HDHD5: variants seen among roughly 807,000 people sequenced by gnomAD.
The protein encoded by HDHD5 is haloacid dehalogenase like hydrolase domain containing 5, also known as haloacid dehalogenase-like hydrolase domain-containing 5.
In HDHD5, 34 loss-of-function variants were observed where a neutral mutation model predicts 35.5. That is an observed-to-expected ratio of 0.96 (90% confidence interval 0.73 to 1.28). HDHD5 has a LOEUF of 1.28. Among genes scored for constraint, HDHD5 ranks in the 50% most tolerant of loss-of-function variants. The probability of loss-of-function intolerance (pLI) is 0.00; values close to 1 mark genes in which losing one functional copy is unlikely to be tolerated. For missense variants in HDHD5, 589 were observed against 560.2 expected, an observed-to-expected ratio of 1.05 and a Z score of -0.52; for synonymous variants, 248 against 240.6, an observed-to-expected ratio of 1.03 and a Z score of -0.29.
chr22:17,160,646 C>T (rs1385292075), upstream of HDHD5, among the ~76,000 whole-genome samples: 5 of 110,852 alleles, frequency 4.5e-5, no homozygotes, highest in Admixed American at 4.1e-4. Flanking sequence ...GAGACTCCGT[C>T]TTGAAAAAAA....
chr22:17,138,398 A>C, intron 7 of HDHD5, 41 bp from the exon 8 acceptor site: 1 of 1,586,340 alleles, frequency 6.3e-7, no homozygotes, highest in Non-Finnish European at 8.6e-7. Context: ...AAAGGAGAAA[A>C]AACCCTAAAT....
At chr22:17,143,198 A>C in intron 4 of HDHD5, 67 bp from the exon 5 acceptor site, 2 of 1,551,892 alleles carry the variant, frequency 1.3e-6, no homozygotes, top group Admixed American at 3.7e-5. Context: ...CCACAACCCC[A>C]CCTCCAGGGT....
upstream of HDHD5, among the ~76,000 whole-genome samples, chr22:17,161,547 G>T (rs1056149239): frequency 6.6e-6 from 1 of 150,674 alleles, no homozygotes; most frequent in Non-Finnish European, 1.5e-5. Flanking sequence ...CTGAGCGACA[G>T]AGCGGAACTA....
chr22:17,137,859 ACT>A lies in HDHD5; in HGVS notation c.*160_*161del, dbSNP rs1219063305. ...TGCTACCCAGCAGGGAAAAAGAGTC[ACT>A]GTCTTCTTCCAAGTGACCAGTAATG... On this transcript the variant is annotated 3_prime_UTR_variant, in exon 8 of 8. Coordinates refer to ENST00000336737, the MANE Select transcript of HDHD5 (RefSeq NM_033070.3). The A allele has an allele frequency of 1.6e-6, 1 of 610,616 alleles. No homozygotes were observed. Among genetic ancestry groups the A allele is most frequent in the East Asian group, 2.8e-5 (1 of 35,938 alleles). 37.8% of individuals were successfully genotyped at this position (610,616 alleles called of 1,614,324 possible). A position where few individuals can be genotyped will look rare whatever the true frequency, so the allele number is the denominator to read the frequency against.
rs143121345 is a variant in HDHD5, at chr22:17,144,909, A to C, written c.537+115T>G. The C allele has an allele frequency of 1.0e-4, 128 of 1,267,104 alleles. No homozygotes were observed. In the East Asian group the frequency reaches 2.3e-3, roughly 23 times the overall value. The allele number at this position is 1,267,104 out of a possible 1,614,324, so 78.5% of individuals were successfully genotyped here. The stretch of plus-strand genomic sequence containing the variant: ...CCCTTAGCCAGATGTGCCTCCAAAG[A>C]AGCATGGACAAATCACAGCTCTGCA... On this transcript the variant is annotated intron_variant, in intron 4 of 7. Coordinates refer to ENST00000336737, the MANE Select transcript of HDHD5 (RefSeq NM_033070.3).
intron 1 of HDHD5, among the ~76,000 whole-genome samples, chr22:17,155,231 CTTTT>C (rs539943001): frequency 9.0e-5 from 12 of 133,236 alleles, no homozygotes; most frequent in African/African-American, 2.8e-4. Flanking sequence ...ATTTGCTTTC[CTTTT>C]TTTTTTTTTT....
chr22:17,140,742 A>C (rs908825795), intron 6 of HDHD5, among the ~76,000 whole-genome samples: 1 of 152,222 alleles, frequency 6.6e-6, no homozygotes, highest in Non-Finnish European at 1.5e-5. Flanking sequence ...TACGGTACAA[A>C]AAGTGCCCAC....
At chr22:17,154,221 G>A (rs547488975) in intron 1 of HDHD5, among the ~76,000 whole-genome samples, 48 of 150,092 alleles carry the variant, frequency 3.2e-4, no homozygotes, top group South Asian at 4.3e-4. Flanking sequence ...AGTAGCTCAC[G>A]CCTGTAATCC....
intron 3 of HDHD5, among the ~76,000 whole-genome samples, chr22:17,145,884 AG>A (rs1405490285): frequency 6.6e-6 from 1 of 152,132 alleles, no homozygotes; most frequent in Admixed American, 6.6e-5. Context: ...CAAATCATCA[AG>A]GAAGAGGCGG....
intron 6 of HDHD5, among the ~76,000 whole-genome samples, chr22:17,139,719 C>T (rs2061578625): frequency 1.3e-5 from 2 of 152,062 alleles, no homozygotes; most frequent in African/African-American, 4.8e-5. Flanking sequence ...ATTACAGGCA[C>T]CTGCCACCAT....
chr22:17,161,753 T>C (rs2061865129), upstream of HDHD5, among the ~76,000 whole-genome samples: 1 of 151,648 alleles, frequency 6.6e-6, no homozygotes, highest in South Asian at 2.1e-4. Context: ...GACACACACC[T>C]GTAGTCCCAG....
At chr22:17,139,664 C>G (rs1180218678) in intron 6 of HDHD5, among the ~76,000 whole-genome samples, 2 of 152,110 alleles carry the variant, frequency 1.3e-5, no homozygotes, top group African/African-American at 2.4e-5. Flanking sequence ...ACCTCCACCC[C>G]CTGGGTTCAA....
intron 1 of HDHD5, among the ~76,000 whole-genome samples, chr22:17,155,820 C>T (rs1412678466): frequency 2.0e-5 from 3 of 152,104 alleles, no homozygotes; most frequent in African/African-American, 7.2e-5. Context: ...ATACAATGGT[C>T]CCTTAAGATT....
intron 6 of HDHD5, among the ~76,000 whole-genome samples, chr22:17,139,626 C>T (rs562983793): frequency 1.3e-5 from 2 of 152,164 alleles, no homozygotes; most frequent in African/African-American, 4.8e-5. Context: ...TGATGGCTGG[C>T]GCTTGGGTAC....
Position 17,138,542 on chromosome 22 carries a change from G to A in HDHD5, c.935+8C>T. 2 of 1,612,862 alleles carry A rather than the reference G, an allele frequency of 1.2e-6. No homozygotes were observed. The highest frequency in any genetic ancestry group is 1.7e-6 in the Non-Finnish European group (2 of 1,179,242). On this transcript the variant is annotated splice_region_variant and intron_variant, in intron 7 of 7. Coordinates refer to ENST00000336737, the MANE Select transcript of HDHD5 (RefSeq NM_033070.3). ...TAAAAGGGACAAAGGAGGGAGAGCA[G>A]AGCCTACCCCACAGCATAGAGCTTC...
chr22:17,145,495 G>A (rs1228647924), intron 3 of HDHD5, among the ~76,000 whole-genome samples: 1 of 152,200 alleles, frequency 6.6e-6, no homozygotes, highest in African/African-American at 2.4e-5. Flanking sequence ...CTTGAGCCCA[G>A]GAGTTCCAGC....
rs1158361798 is a variant in HDHD5, at chr22:17,138,869, A to G, written c.747-131T>C. The G allele has an allele frequency of 7.5e-6, 7 of 927,642 alleles. No homozygotes were observed. In the East Asian group the frequency reaches 1.7e-4, roughly 23 times the overall value. 57.5% of individuals were successfully genotyped at this position (927,642 alleles called of 1,614,324 possible). A position where few individuals can be genotyped will look rare whatever the true frequency, so the allele number is the denominator to read the frequency against. ...CCCAGGGTAAGAGCTGACATGTAGC[A>G]GACACTGTGCAGGCACTGGAGGCAG... is the stretch of plus-strand genomic sequence containing the variant. On this transcript the variant is annotated intron_variant, in intron 6 of 7. Transcript: ENST00000336737.
intron 1 of HDHD5, among the ~76,000 whole-genome samples, 166 bp from the exon 2 acceptor site, chr22:17,149,911 AAT>A (rs10581693): frequency 0.19 from 29,160 of 152,110 alleles, 3,620 homozygotes; most frequent in East Asian, 0.49. Context: ...TTAAATAGAA[AAT>A]AGAGAAATCC....
Position 17,141,194 on chromosome 22 carries a change from C to G in HDHD5, c.611G>C (p.Ser204Thr), listed in dbSNP as rs1264388163. The G allele has an allele frequency of 6.9e-6, 11 of 1,598,454 alleles. No homozygotes were observed. Among genetic ancestry groups the G allele is most frequent in the Non-Finnish European group, 8.5e-6 (10 of 1,173,032 alleles). Residue 204 changes from serine (S) to threonine (T), a missense_variant, in exon 6 of 8, where the codon AGC (serine) becomes ACC (threonine). Physicochemically the swap from Ser to Thr is moderately conservative, Grantham distance 58 (BLOSUM62 1). Transcript: ENST00000336737. ...LLGEPVRWET[S>T]LQLIMDVLLS... ...GAGGACATCCATGATCAGCTGCAGG[C>G]TGGTCTCCCAGCGGACCGGCTCCCC...
Sources: allele counts gnomAD v4.1 joint callset (sites outside exome capture counted in the v4.1 genomes callset), GRCh38; gene constraint gnomAD v4.1.1; transcripts MANE v1.5; gene names NCBI Gene and HGNC (gene_info 2026-07-23, HGNC 2026-07-21).